PDZRN4: variants seen among roughly 807,000 people sequenced by gnomAD.
PDZRN4 encodes the protein PDZ domain-containing RING finger protein 4.
A neutral mutation model predicts 99.0 loss-of-function variants in PDZRN4; 70 were observed. That is an observed-to-expected ratio of 0.71 (90% confidence interval 0.58 to 0.86). The LOEUF is 0.86. PDZRN4 is among the 40% of genes least tolerant of loss of function. PDZRN4 has a pLI of 0.00. For synonymous variants in PDZRN4, 551 were observed against 501.6 expected (o/e 1.10, Z -1.32); for missense variants, 1,474 against 1,331.2 (o/e 1.11, Z -1.67).
intron 5 of PDZRN4, among the ~76,000 whole-genome samples, chr12:41,513,041 A>G (rs1938335856): frequency 6.6e-6 from 1 of 152,070 alleles, no homozygotes; most frequent in Non-Finnish European, 1.5e-5. Context: ...CCTACTTACT[A>G]TTAACTCAGT....
intron 3 of PDZRN4, among the ~76,000 whole-genome samples, chr12:41,299,418 C>CACACAGAA (rs1269154842): frequency 3.9e-5 from 6 of 152,150 alleles, no homozygotes; most frequent in African/African-American, 9.6e-5. Context: ...TTCTGTTGGA[C>CACACAGAA]GCACAATTTG....
In PDZRN4 at chr12:41,567,908, A is replaced by C. The variant is rs769815169; in HGVS notation, c.1584+9A>C. ...CCAATGAGGTGGAGCAGGTAGGGCC[A>C]ACAATTTGAACTACATCATTTGATA... is the stretch of plus-strand genomic sequence containing the variant. On this transcript the variant is annotated intron_variant, in intron 9 of 9. Transcript: ENST00000402685. The C allele has an allele frequency of 2.8e-6, 4 of 1,427,398 alleles. No individual in the cohort carries two copies. The Admixed American group carries it at 5.5e-5, about 20-fold the overall frequency. 88.4% of individuals were successfully genotyped at this position (1,427,398 alleles called of 1,614,324 possible).
chr12:41,404,201 G>A (rs553614192), intron 3 of PDZRN4, among the ~76,000 whole-genome samples: 20 of 150,896 alleles, frequency 1.3e-4, no homozygotes, highest in East Asian at 3.9e-4. Flanking sequence ...TTCGATCTGC[G>A]GTTGGTTGAA....
intron 3 of PDZRN4, among the ~76,000 whole-genome samples, chr12:41,258,099 A>G (rs146687218): frequency 1.0e-3 from 155 of 152,298 alleles, no homozygotes; most frequent in African/African-American, 3.5e-3. Context: ...CTCCCTGTGT[A>G]ATAACTTCTG....
chr12:41,248,312 G>T (rs202027045), intron 3 of PDZRN4, among the ~76,000 whole-genome samples: 1 of 152,114 alleles, frequency 6.6e-6, no homozygotes, highest in African/African-American at 2.4e-5. Flanking sequence ...TTCTATAATG[G>T]AATCCAAAAT....
intron 3 of PDZRN4, among the ~76,000 whole-genome samples, chr12:41,312,938 T>C (rs556594125): frequency 2.6e-4 from 40 of 152,326 alleles, no homozygotes; most frequent in Non-Finnish European, 5.3e-4. Context: ...ACTGCCCTTC[T>C]TAGTGTTATG....
At chr12:41,492,124 AAC>A (rs1293267643) in intron 3 of PDZRN4, among the ~76,000 whole-genome samples, 1 of 152,178 alleles carries the variant, frequency 6.6e-6, no homozygotes, top group Non-Finnish European at 1.5e-5. Flanking sequence ...CTGTTACTGT[AAC>A]AGTCTCAAAA....
At chr12:41,545,988 G>T (rs536799905) in intron 5 of PDZRN4, among the ~76,000 whole-genome samples, 1 of 152,014 alleles carries the variant, frequency 6.6e-6, no homozygotes, top group Non-Finnish European at 1.5e-5. Flanking sequence ...AAGAGTGGGC[G>T]GTTTTTGTTG....
intron 3 of PDZRN4, among the ~76,000 whole-genome samples, chr12:41,483,003 T>C (rs1421272569): frequency 4.0e-5 from 6 of 151,858 alleles, no homozygotes; most frequent in African/African-American, 1.2e-4. Context: ...AGAAAATTCA[T>C]ATTGATATTA....
chr12:41,352,925 A>T (rs1951902207), intron 3 of PDZRN4, among the ~76,000 whole-genome samples: 1 of 152,138 alleles, frequency 6.6e-6, no homozygotes, highest in South Asian at 2.1e-4. Context: ...ATAATGAATA[A>T]TATGGATTAA....
At chr12:41,366,143 T>G (rs1221116647) in intron 3 of PDZRN4, among the ~76,000 whole-genome samples, 2 of 152,112 alleles carry the variant, frequency 1.3e-5, no homozygotes, top group African/African-American at 4.8e-5. Context: ...TTGTATTGAC[T>G]TAAAGTTTAT....
chr12:41,463,923 A>G (rs1291953408), intron 3 of PDZRN4, among the ~76,000 whole-genome samples: 1 of 152,186 alleles, frequency 6.6e-6, no homozygotes, highest in East Asian at 1.9e-4. Flanking sequence ...GAAGGCTCCA[A>G]TCTGGCCAAA....
At chr12:41,505,171 AC>A (rs1938183563) in intron 3 of PDZRN4, among the ~76,000 whole-genome samples, 1 of 151,994 alleles carries the variant, frequency 6.6e-6, no homozygotes, top group African/African-American at 2.4e-5. Context: ...CAACTCAGTG[AC>A]TTCTTTTGCT....
chr12:41,401,618 C>A lies in PDZRN4; in HGVS notation c.844-104838C>A, dbSNP rs76905687. 2.0e-3 allele frequency among the ~76,000 whole-genome samples: 304 copies of A among 152,188 alleles called. 2 individuals are homozygous for A. Among genetic ancestry groups the A allele is most frequent in the African/African-American group, 7.0e-3 (291 of 41,538 alleles). ...TCCATCTCTTCTTTGCCATTCTAGT[C>A]TTCACTTTTGTGCAAATGCTTCCAT... On this transcript the variant is annotated intron_variant, in intron 3 of 9. Transcript: ENST00000402685.
At chr12:41,504,760 A>C (rs1938176537) in intron 3 of PDZRN4, among the ~76,000 whole-genome samples, 1 of 152,152 alleles carries the variant, frequency 6.6e-6, no homozygotes, top group African/African-American at 2.4e-5. Flanking sequence ...GTATCAATGA[A>C]AACTCAGTGA....
rs539776548 is a variant in PDZRN4, at chr12:41,441,107, G to A, written c.844-65349G>A. Among the ~76,000 whole-genome samples, 6 of 152,206 alleles carry A rather than the reference G, an allele frequency of 3.9e-5. No homozygotes were observed. In the East Asian group the frequency reaches 5.8e-4, roughly 15 times the overall value. On this transcript the variant is annotated intron_variant, in intron 3 of 9. Coordinates refer to ENST00000402685, the MANE Select transcript of PDZRN4 (RefSeq NM_001164595.2). Reference sequence around the variant, plus strand: ...GATGGTGATTATTGATGGGATGTTCGTTGGTGTCCAATAATGTGTTAAAAT... The same window carrying A: ...GATGGTGATTATTGATGGGATGTTCATTGGTGTCCAATAATGTGTTAAAAT...
chr12:41,354,173 G>A lies in PDZRN4; in HGVS notation c.844-152283G>A, dbSNP rs545183521. Among the ~76,000 whole-genome samples, 3 of 152,238 alleles carry A rather than the reference G, an allele frequency of 2.0e-5. No individual in the cohort carries two copies. The South Asian group carries it at 6.2e-4, about 32-fold the overall frequency. On this transcript the variant is annotated intron_variant, in intron 3 of 9. Transcript: ENST00000402685. ...AATATGAGATTGAGCACAGATTAGA[G>A]AAGTGATAATCAAAGCCTTAATAGT...
intron 3 of PDZRN4, among the ~76,000 whole-genome samples, chr12:41,460,504 C>G (rs185184043): frequency 1.4e-3 from 220 of 152,254 alleles, no homozygotes; most frequent in African/African-American, 4.9e-3. Context: ...ATCTTAGGAG[C>G]AAATTCCTGT....
chr12:41,427,189 G>A (rs1952544285), intron 3 of PDZRN4, among the ~76,000 whole-genome samples: 1 of 152,070 alleles, frequency 6.6e-6, no homozygotes, highest in South Asian at 2.1e-4. Flanking sequence ...AACTGCTCCT[G>A]GAGAAAAATT....
Sources: allele counts gnomAD v4.1 joint callset (sites outside exome capture counted in the v4.1 genomes callset), GRCh38; gene constraint gnomAD v4.1.1; transcripts MANE v1.5; gene names NCBI Gene and HGNC (gene_info 2026-07-23, HGNC 2026-07-21).